PCDHGA8: variants seen among roughly 807,000 people sequenced by gnomAD.
PCDHGA8 encodes protocadherin gamma-A8.
In PCDHGA8, 45 loss-of-function variants were observed where a neutral mutation model predicts 59.2. The ratio of observed to expected loss-of-function variants is 0.76; its 90% CI spans 0.60 to 0.98. The LOEUF is 0.98. PCDHGA8 is among the 50% of genes least tolerant of loss of function. The pLI is 0.00. For missense variants in PCDHGA8, 1,257 were observed against 1,196.2 expected (o/e 1.05, Z -0.75); for synonymous variants, 531 against 519.0 (o/e 1.02, Z -0.32).
chr5:141,433,054 G>A, intron 1 of PCDHGA8: 2 of 1,614,196 alleles, frequency 1.2e-6, no homozygotes, highest in Non-Finnish European at 1.7e-6. Context: ...ACTCGCGGAA[G>A]AGTCACCTGA....
At chr5:141,479,048 C>A (rs1253895615) in intron 1 of PCDHGA8, among the ~76,000 whole-genome samples, 1 of 152,150 alleles carries the variant, frequency 6.6e-6, no homozygotes, top group Admixed American at 6.5e-5. Flanking sequence ...GTACCTCATT[C>A]TCAGATAATT....
intron 1 of PCDHGA8, among the ~76,000 whole-genome samples, chr5:141,407,310 T>C (rs1468156890): frequency 6.6e-6 from 1 of 152,224 alleles, no homozygotes; most frequent in Non-Finnish European, 1.5e-5. Context: ...GTAGCCTTCA[T>C]ACTTAGTATT....
In PCDHGA8 at chr5:141,413,895, T is replaced by C. The variant is rs749075692; in HGVS notation, c.2424+18658T>C. On this transcript the variant is annotated intron_variant, in intron 1 of 3. Transcript: ENST00000398604. ...TCAGTGTGACTGTCTTCGATGCAAATGACAACGCGCCGGTCTTCACCTTGC... is the reference window on the plus strand; with the variant it reads ...TCAGTGTGACTGTCTTCGATGCAAACGACAACGCGCCGGTCTTCACCTTGC... 7 of 1,613,190 alleles carry C rather than the reference T, an allele frequency of 4.3e-6. No individual in the cohort carries two copies. The South Asian group carries it at 6.6e-5, about 15-fold the overall frequency.
intron 1 of PCDHGA8, among the ~76,000 whole-genome samples, chr5:141,453,710 A>C (rs988115758): frequency 3.9e-5 from 6 of 152,242 alleles, no homozygotes; most frequent in African/African-American, 1.4e-4. Context: ...GAACAGTTTC[A>C]CTATAAAAAT....
Position 141,431,980 on chromosome 5 carries a change from C to G in PCDHGA8, c.2424+36743C>G. The G allele has an allele frequency of 6.2e-7, 1 of 1,614,214 alleles. No homozygotes were observed. The highest frequency in any genetic ancestry group is 8.5e-7 in the Non-Finnish European group (1 of 1,180,024). ...GAAATTACTATAGTTTAGTCACAGACATAGTCTTGGATAGGGAACAGGTTC... is the reference window on the plus strand; with the variant it reads ...GAAATTACTATAGTTTAGTCACAGAGATAGTCTTGGATAGGGAACAGGTTC... On this transcript the variant is annotated intron_variant, in intron 1 of 3. Transcript: ENST00000398604. The surrounding 1 kb of genome is among the most constrained non-coding windows in gnomAD (Gnocchi z 4.8).
At chr5:141,411,045 T>G (rs1409162601) in intron 1 of PCDHGA8, 1 of 159,716 alleles carries the variant, frequency 6.3e-6, no homozygotes, top group Non-Finnish European at 1.4e-5. Flanking sequence ...AGACATGGGG[T>G]TTCACTATGT....
At position 141,511,516 on chromosome 5, in the gene PCDHGA8, T is replaced by A. The variant is rs2099883825; in HGVS notation, c.*343T>A. ...CTTCCAAATCAATCAGGCCCATCCA[T>A]CCCATGCCTCCCTCCTCCCCACCCC... is the stretch of plus-strand genomic sequence containing the variant. On this transcript the variant is annotated 3_prime_UTR_variant, in exon 4 of 4. Transcript: ENST00000398604. 1 of 365,020 alleles carries A rather than the reference T, an allele frequency of 2.7e-6. No individual in the cohort carries two copies. Among genetic ancestry groups the A allele is most frequent in the Admixed American group, 4.0e-5 (1 of 25,162 alleles). The allele number at this position is 365,020 out of a possible 1,614,324, so 22.6% of individuals were successfully genotyped here.
Position 141,511,409 on chromosome 5 carries a change from G to C in PCDHGA8, c.*236G>C, listed in dbSNP as rs999907393. On this transcript the variant is annotated 3_prime_UTR_variant, in exon 4 of 4. Coordinates refer to ENST00000398604, the MANE Select transcript of PCDHGA8 (RefSeq NM_032088.2). Reference sequence around the variant, plus strand: ...GGGAACCCCCATCCAATCAACTGCTGTACCCATGGGGGTAGTGGGGTTACT... The same window carrying C: ...GGGAACCCCCATCCAATCAACTGCTCTACCCATGGGGGTAGTGGGGTTACT... The C allele has an allele frequency of 1.1e-6, 1 of 908,516 alleles. No homozygotes were observed. The highest frequency in any genetic ancestry group is 1.7e-5 in the African/African-American group (1 of 59,504). The allele number at this position is 908,516 out of a possible 1,614,324, so 56.3% of individuals were successfully genotyped here.
chr5:141,494,742 G>A (rs1223104681), intron 1 of PCDHGA8, 65 bp from the exon 2 acceptor site: 10 of 1,611,946 alleles, frequency 6.2e-6, no homozygotes, highest in Non-Finnish European at 8.5e-6. Context: ...CCCATCCCTA[G>A]GGGCTCGGGT....
At chr5:141,471,786 A>G (rs1043196530) in intron 1 of PCDHGA8, among the ~76,000 whole-genome samples, 6 of 152,244 alleles carry the variant, frequency 3.9e-5, no homozygotes, top group African/African-American at 1.4e-4. Flanking sequence ...ACATTATGCT[A>G]TGTCATATAA....
intron 1 of PCDHGA8, chr5:141,419,043 ATTC>A (rs560207463): frequency 6.2e-5 from 100 of 1,613,840 alleles, no homozygotes; most frequent in Non-Finnish European, 8.1e-5. Context: ...TTTAAGATTC[ATTC>A]TTCTTCTAAT....
intron 1 of PCDHGA8, chr5:141,409,496 C>CT (rs1276498782): frequency 6.2e-7 from 1 of 1,614,044 alleles, no homozygotes; most frequent in South Asian, 1.1e-5. Context: ...CAAGCCGCCT[C>CT]TTTCTTCCAG....
intron 1 of PCDHGA8, among the ~76,000 whole-genome samples, chr5:141,466,570 T>C (rs967163331): frequency 6.6e-6 from 1 of 152,202 alleles, no homozygotes; most frequent in East Asian, 1.9e-4. Flanking sequence ...TCTTCAACAT[T>C]GTCTCATCCC....
intron 1 of PCDHGA8, among the ~76,000 whole-genome samples, chr5:141,472,611 G>T (rs1055885253): frequency 1.3e-5 from 2 of 151,938 alleles, no homozygotes; most frequent in South Asian, 4.1e-4. Context: ...ATAAAACAAA[G>T]AAGAAAAAAG....
At position 141,398,135 on chromosome 5, in the gene PCDHGA8, G is replaced by A. The variant is rs771670845; in HGVS notation, c.2424+2898G>A. ...CTGAGGAGAGCAAGAGGGATGGGGAGCGGCGCCGGGGAGCTGGGCCGGGCT... is the reference window on the plus strand; with the variant it reads ...CTGAGGAGAGCAAGAGGGATGGGGAACGGCGCCGGGGAGCTGGGCCGGGCT... On this transcript the variant is annotated intron_variant, in intron 1 of 3. Transcript: ENST00000398604. 4 of 1,556,792 alleles carry A rather than the reference G, an allele frequency of 2.6e-6. No individual in the cohort carries two copies. Among genetic ancestry groups the A allele is most frequent in the Non-Finnish European group, 3.5e-6 (4 of 1,157,318 alleles).
intron 1 of PCDHGA8, among the ~76,000 whole-genome samples, chr5:141,473,466 G>A (rs1217251844): frequency 1.3e-5 from 2 of 151,738 alleles, no homozygotes; most frequent in East Asian, 1.9e-4. Flanking sequence ...TTAAAGTTGT[G>A]CCAAGTTCAA....
chr5:141,482,998 T>C (rs1458221945), intron 1 of PCDHGA8, among the ~76,000 whole-genome samples: 1 of 152,008 alleles, frequency 6.6e-6, no homozygotes, highest in Non-Finnish European at 1.5e-5. Flanking sequence ...GGCAGGAGAA[T>C]TGCTTGAACC....
At chr5:141,442,202 G>A (rs1033563159) in intron 1 of PCDHGA8, 2 of 153,258 alleles carry the variant, frequency 1.3e-5, no homozygotes, top group African/African-American at 4.8e-5. Context: ...TTTATATCTG[G>A]TGATTGCCTT....
chr5:141,415,686 G>T, intron 1 of PCDHGA8: 2 of 1,535,424 alleles, frequency 1.3e-6, no homozygotes, highest in Middle Eastern at 1.7e-4. Flanking sequence ...GCGGCATGAT[G>T]GTGGAAAGTG....
Sources: gnomAD v4.1 joint callset for allele counts (sites outside exome capture counted in the v4.1 genomes callset) on GRCh38, gnomAD v4.1.1 for gene constraint, Gnocchi (gnomAD v3.1) non-coding constraint, MANE v1.5 for transcripts, NCBI Gene and HGNC (gene_info 2026-07-23, HGNC 2026-07-21) for gene names.